The following FOXP2 variants were observed in gnomAD, a reference collection of about 807,000 sequenced individuals.
The protein encoded by FOXP2 is forkhead box protein P2.
A neutral mutation model predicts 115.8 loss-of-function variants in FOXP2; 12 were observed. That is an observed-to-expected ratio of 0.10 (90% CI 0.07 to 0.17). The LOEUF (loss-of-function observed/expected upper bound fraction) is 0.17, where lower values mean the gene tolerates loss of function less well. Ranked by LOEUF, FOXP2 falls within the 10% of genes least tolerant of loss-of-function variation. FOXP2 has a pLI of 1.00. For synonymous variants in FOXP2, 328 were observed against 297.7 expected (o/e 1.10, Z -1.05); for missense variants, 629 against 843.5 (o/e 0.75, Z 3.15).
chr7:114,412,061 A>G (rs927095212), upstream of FOXP2, among the ~76,000 whole-genome samples: 8 of 152,102 alleles, frequency 5.3e-5, no homozygotes, highest in African/African-American at 1.9e-4. Context: ...GGAATTGCTA[A>G]TAGGTCATCT....
At chr7:114,649,083 C>A (rs1409410113) in intron 8 of FOXP2, among the ~76,000 whole-genome samples, 2 of 151,946 alleles carry the variant, frequency 1.3e-5, no homozygotes, top group African/African-American at 4.8e-5. Flanking sequence ...GTAGAACAGG[C>A]CTGTGAAATG....
chr7:114,658,513 G>A (rs186376590), intron 11 of FOXP2, among the ~76,000 whole-genome samples: 2 of 152,282 alleles, frequency 1.3e-5, no homozygotes, highest in East Asian at 3.9e-4. Flanking sequence ...TGTCAGGATA[G>A]CCCATATTAT....
In FOXP2 at chr7:114,477,549, C is replaced by T. The variant is rs892022241; in HGVS notation, c.168+50870C>T. 7.2e-5 allele frequency among the ~76,000 whole-genome samples: 11 copies of T among 151,974 alleles called. 1 individual carries two copies. The highest frequency in any genetic ancestry group is 3.9e-4 in the Admixed American group (6 of 15,216). Reference sequence around the variant, plus strand: ...AAAATTACCTATTGGATACTATGCTCTCTACCTGGGTGGTGGGATCCATTC... The same window carrying T: ...AAAATTACCTATTGGATACTATGCTTTCTACCTGGGTGGTGGGATCCATTC... On this transcript the variant is annotated intron_variant, in intron 2 of 16. Transcript: ENST00000350908.
chr7:114,534,695 A>G lies in FOXP2; in HGVS notation c.247A>G (p.Arg83Gly), dbSNP rs765980960. The change falls in exon 3 of 17, where the codon AGA (arginine) becomes GGA (glycine). Residue 83 changes from arginine (R) to glycine (G), a missense_variant. Physicochemically the swap from Arg to Gly is moderately radical, Grantham distance 125 (BLOSUM62 -2). Coordinates refer to ENST00000350908, the MANE Select transcript of FOXP2 (RefSeq NM_014491.4). Reference protein sequence around the residue: ...LKSPKSSDKQRPLQVPVSVAM... With the variant: ...LKSPKSSDKQGPLQVPVSVAM... ...ATCTCCTAAGAGCAGTGATAAACAG[A>G]GACCACTGCAGGTTAGTAAAGCACT... 2 of 1,611,418 alleles carry G rather than the reference A, an allele frequency of 1.2e-6. No individual in the cohort carries two copies. Among genetic ancestry groups the G allele is most frequent in the South Asian group, 2.2e-5 (2 of 91,040 alleles).
At chr7:114,348,353 T>C (rs1318483992) in intron 2 of FOXP2, among the ~76,000 whole-genome samples, 1 of 152,036 alleles carries the variant, frequency 6.6e-6, no homozygotes, top group Non-Finnish European at 1.5e-5. Flanking sequence ...CTACCTTCAT[T>C]AATTGATTCA....
chr7:114,087,778 G>A (rs1258080424), exon 1 of FOXP2: 1 of 152,002 alleles, frequency 6.6e-6, no homozygotes, highest in Non-Finnish European at 1.5e-5. Flanking sequence ...GGGTGTTGGG[G>A]CCTCTCTAGA....
chr7:114,134,039 G>A (rs1791960832), intron 1 of FOXP2, among the ~76,000 whole-genome samples: 1 of 152,194 alleles, frequency 6.6e-6, no homozygotes, highest in Non-Finnish European at 1.5e-5. Flanking sequence ...AGTGAGGTAT[G>A]AGGAGAACTT....
chr7:114,316,067 G>A (rs920072379), intron 2 of FOXP2, among the ~76,000 whole-genome samples: 2 of 152,100 alleles, frequency 1.3e-5, no homozygotes, highest in Admixed American at 6.5e-5. Flanking sequence ...CTGTGAAAAA[G>A]ACATTTGTTT....
chr7:114,628,731 T>C (rs527973595), intron 4 of FOXP2, 54 bp downstream of exon 4: 37 of 1,611,554 alleles, frequency 2.3e-5, no homozygotes, highest in Admixed American at 6.7e-5. Context: ...GGTGTGCACT[T>C]ATTTTGAAAG....
chr7:114,090,001 A>G (rs887195248), intron 1 of FOXP2, among the ~76,000 whole-genome samples: 1 of 151,978 alleles, frequency 6.6e-6, no homozygotes, highest in Non-Finnish European at 1.5e-5. Context: ...TATAAAACTT[A>G]TTTACATAAA....
chr7:114,300,504 C>T (rs1291817384), intron 2 of FOXP2, among the ~76,000 whole-genome samples: 1 of 151,766 alleles, frequency 6.6e-6, no homozygotes, highest in Non-Finnish European at 1.5e-5. Context: ...GTTCATCAAA[C>T]CCATTTTTTT....
intron 2 of FOXP2, among the ~76,000 whole-genome samples, chr7:114,480,458 T>C (rs1011985465): frequency 6.6e-6 from 1 of 151,452 alleles, no homozygotes; most frequent in Non-Finnish European, 1.5e-5. Flanking sequence ...AAAAAAAAGA[T>C]GCCTTATTAC....
intron 1 of FOXP2, among the ~76,000 whole-genome samples, chr7:114,212,230 T>C (rs976857693): frequency 1.3e-5 from 2 of 151,998 alleles, no homozygotes; most frequent in African/African-American, 4.8e-5. Context: ...TTAAGTGTTT[T>C]GTGTGTGTTC....
rs1554367605 is a variant in FOXP2, at chr7:114,318,375, CT to C, written c.-11+30269del. Among the ~76,000 whole-genome samples, 4 of 90,026 alleles carry C rather than the reference CT, an allele frequency of 4.4e-5. No individual in the cohort carries two copies. In the South Asian group the frequency reaches 1.6e-3, roughly 35 times the overall value. The allele number at this position is 90,026 out of a possible 152,430, so 59.1% of individuals were successfully genotyped here. ...GTTTTCTACTTAGCATGATGTCTCT[CT>C]TTGTTTTTTTTTTTTTTTTTTGGAG... On this transcript the variant is annotated intron_variant, in intron 2 of 17. Transcript: ENST00000634411.
chr7:114,157,722 C>T (rs963623565), intron 1 of FOXP2, among the ~76,000 whole-genome samples: 1 of 152,084 alleles, frequency 6.6e-6, no homozygotes, highest in African/African-American at 2.4e-5. Context: ...TGTTCCCCCA[C>T]TTCCCCCTGT....
In FOXP2 at chr7:114,172,930, G is replaced by A. The variant is rs554006278; in HGVS notation, c.-102+9842G>A. Reference sequence around the variant, plus strand: ...GCAGTGTATTTTATTTCAGGAAAGTGCTAATGTCCATAGATGAGGACCTGT... The same window carrying A: ...GCAGTGTATTTTATTTCAGGAAAGTACTAATGTCCATAGATGAGGACCTGT... On this transcript the variant is annotated intron_variant, in intron 1 of 17. Transcript: ENST00000634411. Among the ~76,000 whole-genome samples the A allele has an allele frequency of 2.6e-5, 4 of 152,154 alleles. No homozygotes were observed. In the East Asian group the frequency reaches 7.7e-4, roughly 29 times the overall value.
intron 1 of FOXP2, among the ~76,000 whole-genome samples, chr7:114,118,690 C>T (rs888348368): frequency 6.6e-6 from 1 of 152,010 alleles, no homozygotes; most frequent in Admixed American, 6.6e-5. Context: ...TTATGTGCCA[C>T]GTAATTTTGC....
intron 1 of FOXP2, among the ~76,000 whole-genome samples, chr7:114,252,891 T>C (rs878865589): frequency 6.6e-6 from 1 of 152,190 alleles, no homozygotes; most frequent in East Asian, 1.9e-4. Context: ...TGTTAGGGTG[T>C]CAATTTTAGA....
intron 2 of FOXP2, among the ~76,000 whole-genome samples, chr7:114,517,922 A>C (rs1383401385): frequency 6.6e-6 from 1 of 152,152 alleles, no homozygotes; most frequent in Non-Finnish European, 1.5e-5. Context: ...GGAGCAGTAT[A>C]GACATTTTAA....
Sources: gnomAD v4.1 joint callset for allele counts (sites outside exome capture counted in the v4.1 genomes callset) on GRCh38, gnomAD v4.1.1 for gene constraint, MANE v1.5 for transcripts, NCBI Gene and HGNC (gene_info 2026-07-23, HGNC 2026-07-21) for gene names.